The following CTNND2 variants were observed in gnomAD, a reference collection of about 807,000 sequenced individuals.
CTNND2 encodes the protein catenin delta-2.
CTNND2 carries 22 observed loss-of-function variants against 144.4 expected under a neutral mutation model. That is an observed-to-expected ratio of 0.15 (90% CI 0.11 to 0.22). The LOEUF is 0.22. CTNND2 is among the 10% of genes least tolerant of loss of function. The pLI, the probability that CTNND2 is intolerant of heterozygous loss-of-function variation, is 1.00. For missense variants in CTNND2, 1,353 were observed against 1,618.8 expected, an observed-to-expected ratio of 0.84 and a Z score of 2.82; for synonymous variants, 751 against 695.6, an observed-to-expected ratio of 1.08 and a Z score of -1.25.
chr5:11,046,063 T>A (rs1404163612), intron 16 of CTNND2, among the ~76,000 whole-genome samples: 1 of 152,092 alleles, frequency 6.6e-6, no homozygotes, highest in African/African-American at 2.4e-5. Context: ...GAAACGGGTA[T>A]GCTGCCGGTT....
intron 12 of CTNND2, among the ~76,000 whole-genome samples, chr5:11,124,542 A>G (rs1754476383): frequency 6.6e-6 from 1 of 152,210 alleles, no homozygotes; most frequent in South Asian, 2.1e-4. Context: ...AACTCTCTGT[A>G]AAGGATCAGA....
intron 5 of CTNND2, among the ~76,000 whole-genome samples, chr5:11,408,320 A>G (rs936721363): frequency 1.3e-5 from 2 of 152,146 alleles, no homozygotes; most frequent in Non-Finnish European, 2.9e-5. Context: ...TAAAATTCGC[A>G]ATATTGATGC....
At chr5:11,395,009 A>G (rs1490950513) in intron 6 of CTNND2, among the ~76,000 whole-genome samples, 5 of 152,224 alleles carry the variant, frequency 3.3e-5, no homozygotes, top group Non-Finnish European at 7.3e-5. Context: ...GTGGCAATTT[A>G]TTATTACAGG....
At chr5:11,849,694 C>T (rs1351577785) in intron 1 of CTNND2, among the ~76,000 whole-genome samples, 2 of 152,184 alleles carry the variant, frequency 1.3e-5, no homozygotes, top group African/African-American at 4.8e-5. Context: ...TCTCAAACCA[C>T]AAGTTGGAGG....
intron 2 of CTNND2, among the ~76,000 whole-genome samples, chr5:11,672,311 T>C (rs961979108): frequency 1.3e-5 from 2 of 152,198 alleles, no homozygotes; most frequent in Non-Finnish European, 2.9e-5. Flanking sequence ...TCAAATGCTG[T>C]GCTGGGAGAA....
intron 11 of CTNND2, among the ~76,000 whole-genome samples, chr5:11,187,963 C>T (rs1054442325): frequency 4.6e-5 from 7 of 152,002 alleles, no homozygotes; most frequent in Admixed American, 6.6e-5. Context: ...CAGATGCTGG[C>T]GAGGCTGCGG....
At chr5:11,489,479 C>G (rs779776935) in intron 3 of CTNND2, among the ~76,000 whole-genome samples, 1 of 152,164 alleles carries the variant, frequency 6.6e-6, no homozygotes, top group African/African-American at 2.4e-5. Flanking sequence ...ATGCTGTCAA[C>G]TCATTTTCCT....
intron 12 of CTNND2, among the ~76,000 whole-genome samples, chr5:11,144,494 C>T (rs1463540881): frequency 6.6e-6 from 1 of 152,132 alleles, no homozygotes; most frequent in Non-Finnish European, 1.5e-5. Context: ...CTCTGAGGAT[C>T]TGTCACATGC....
At chr5:11,483,430 A>G (rs147467653) in intron 3 of CTNND2, among the ~76,000 whole-genome samples, 85 of 152,308 alleles carry the variant, frequency 5.6e-4, no homozygotes, top group African/African-American at 2.0e-3. Context: ...AGTTCAAAGG[A>G]GAATTGTGGG....
At chr5:11,148,284 C>T (rs1580420716) in intron 12 of CTNND2, among the ~76,000 whole-genome samples, 2 of 152,184 alleles carry the variant, frequency 1.3e-5, no homozygotes, top group Non-Finnish European at 2.9e-5. Context: ...CAAATGCTGC[C>T]GAGTTGTTCA....
chr5:11,295,359 C>T (rs1748809479), intron 9 of CTNND2, among the ~76,000 whole-genome samples: 1 of 152,110 alleles, frequency 6.6e-6, no homozygotes, highest in South Asian at 2.1e-4. Context: ...AAGAACATTC[C>T]GTGTTCATGG....
intron 9 of CTNND2, among the ~76,000 whole-genome samples, chr5:11,246,916 G>C (rs1561087715): frequency 6.6e-6 from 1 of 152,130 alleles, no homozygotes; most frequent in African/African-American, 2.4e-5. Context: ...TGAGTCCCGG[G>C]CCCTACTGGG....
At chr5:11,300,517 C>T (rs1339090799) in intron 9 of CTNND2, among the ~76,000 whole-genome samples, 1 of 152,130 alleles carries the variant, frequency 6.6e-6, no homozygotes, top group Admixed American at 6.5e-5. Flanking sequence ...AGGCCTGGGG[C>T]CCCAGTGACT....
chr5:11,403,333 G>A (rs1196810212), intron 5 of CTNND2, among the ~76,000 whole-genome samples: 1 of 152,144 alleles, frequency 6.6e-6, no homozygotes, highest in Non-Finnish European at 1.5e-5. Flanking sequence ...TTAGTTTGCT[G>A]AGAATGATGG....
At chr5:11,421,280 C>G (rs775620533) in intron 3 of CTNND2, among the ~76,000 whole-genome samples, 5 of 152,288 alleles carry the variant, frequency 3.3e-5, no homozygotes, top group Non-Finnish European at 5.9e-5. Flanking sequence ...TATGAATATT[C>G]TTCCCCTTGC....
chr5:11,072,057 G>A (rs1045860604), intron 16 of CTNND2, among the ~76,000 whole-genome samples: 10 of 152,216 alleles, frequency 6.6e-5, no homozygotes, highest in Non-Finnish European at 1.5e-4. Flanking sequence ...CATAGACACT[G>A]GGGGTATTAG....
At chr5:11,431,235 T>A (rs1763260467) in intron 3 of CTNND2, among the ~76,000 whole-genome samples, 2 of 152,160 alleles carry the variant, frequency 1.3e-5, no homozygotes, top group African/African-American at 4.8e-5. Context: ...CATAACACTC[T>A]TAGAGGTGAA....
At position 11,385,203 on chromosome 5, in the gene CTNND2, C is replaced by T. The variant is rs1758958803; in HGVS notation, c.639G>A (p.Leu213=). The T allele has an allele frequency of 9.5e-7, 1 of 1,054,070 alleles. No individual in the cohort carries two copies. The highest frequency in any genetic ancestry group is 1.1e-6 in the Non-Finnish European group (1 of 875,948). 65.3% of individuals were successfully genotyped at this position (1,054,070 alleles called of 1,614,324 possible). ...GCGGCGGCGCGGGCTCGGGCCCCGC[C>T]AGGTGGCCGGCGCGGCTGGTCGTGC... ...SQGTTSRAGH[L]AGPEPAPPPP... is the part of the protein sequence containing the mutation. Residue 213 remains leucine (L), a synonymous_variant, in exon 7 of 22, where the codon CTG becomes CTA. Coordinates refer to ENST00000304623, the MANE Select transcript of CTNND2 (RefSeq NM_001332.4).
intron 9 of CTNND2, among the ~76,000 whole-genome samples, chr5:11,324,023 G>A (rs1752299485): frequency 6.6e-6 from 1 of 152,118 alleles, no homozygotes; most frequent in Non-Finnish European, 1.5e-5. Context: ...GGAACTCGAT[G>A]GACACTCAAT....
Sources: allele counts gnomAD v4.1 joint callset (sites outside exome capture counted in the v4.1 genomes callset), GRCh38; gene constraint gnomAD v4.1.1; transcripts MANE v1.5; gene names NCBI Gene and HGNC (gene_info 2026-07-23, HGNC 2026-07-21).